AGBL1: variants seen among roughly 807,000 people sequenced by gnomAD.
The protein encoded by AGBL1 is cytosolic carboxypeptidase 4.
Under a neutral mutation model 118.9 loss-of-function variants are expected in AGBL1, and 130 were observed. The ratio of observed to expected loss-of-function variants is 1.09; its 90% CI spans 0.95 to 1.26. AGBL1 has a LOEUF of 1.26. Among genes scored for constraint, AGBL1 ranks in the 50% most tolerant of loss-of-function variants. The pLI is 0.00. For missense variants in AGBL1, 1,584 were observed against 1,298.1 expected (o/e 1.22, Z -3.38); for synonymous variants, 555 against 478.9 (o/e 1.16, Z -2.08).
chr15:86,961,462 G>A (rs1012568925), intron 23 of AGBL1, among the ~76,000 whole-genome samples: 1 of 151,986 alleles, frequency 6.6e-6, no homozygotes. Context: ...AGATTCAAGG[G>A]TCTGAAGAAG....
intron 18 of AGBL1, among the ~76,000 whole-genome samples, chr15:86,464,669 A>G (rs867514766): frequency 9.2e-5 from 14 of 152,216 alleles, no homozygotes; most frequent in Admixed American, 5.2e-4. Flanking sequence ...AATTTTATAG[A>G]AGGTCTTTTT....
chr15:87,029,913 C>A (rs1056684802), downstream of AGBL1, among the ~76,000 whole-genome samples: 1 of 151,788 alleles, frequency 6.6e-6, no homozygotes. Flanking sequence ...ACCCTTCATC[C>A]CTTGATGGCT....
At chr15:86,547,065 T>C (rs2083593505) in intron 20 of AGBL1, among the ~76,000 whole-genome samples, 1 of 152,102 alleles carries the variant, frequency 6.6e-6, no homozygotes, top group African/African-American at 2.4e-5. Flanking sequence ...ACTCAGTCCA[T>C]CAAAAATAGA....
intron 18 of AGBL1, among the ~76,000 whole-genome samples, chr15:86,423,943 A>G (rs1406708245): frequency 6.6e-6 from 1 of 152,174 alleles, no homozygotes; most frequent in Non-Finnish European, 1.5e-5. Flanking sequence ...ATATAGAGAA[A>G]ATGGACATAC....
chr15:86,376,938 C>T (rs1007861372), intron 17 of AGBL1, among the ~76,000 whole-genome samples: 1 of 152,202 alleles, frequency 6.6e-6, no homozygotes, highest in African/African-American at 2.4e-5. Context: ...TCCAAAATCA[C>T]CTTGCAAATG....
At chr15:86,863,250 T>C (rs1005770263) in intron 22 of AGBL1, among the ~76,000 whole-genome samples, 9 of 152,192 alleles carry the variant, frequency 5.9e-5, no homozygotes, top group African/African-American at 1.9e-4. Context: ...GAATTGCTCA[T>C]AGATATTTCA....
At chr15:86,194,427 T>C (rs1051090821) in intron 5 of AGBL1, among the ~76,000 whole-genome samples, 9 of 152,230 alleles carry the variant, frequency 5.9e-5, no homozygotes, top group Non-Finnish European at 7.3e-5. Context: ...TCTTTTGCTT[T>C]CCACTATCCT....
rs2077421782 is a variant in AGBL1, at chr15:86,171,929, G to A, written c.488+12903G>A. ...ATTGGTGACTATTATTCTAAGTGAAGTAACTCAAGAATAAAAAACCAAACA... is the reference window on the plus strand; with the variant it reads ...ATTGGTGACTATTATTCTAAGTGAAATAACTCAAGAATAAAAAACCAAACA... On this transcript the variant is annotated intron_variant, in intron 5 of 22. Transcript: ENST00000614907. Among the ~76,000 whole-genome samples, 9 of 152,196 alleles carry A rather than the reference G, an allele frequency of 5.9e-5. No homozygotes were observed. The South Asian group carries it at 1.9e-3, about 31-fold the overall frequency.
At chr15:86,843,768 A>G (rs1221985308) in intron 22 of AGBL1, among the ~76,000 whole-genome samples, 2 of 152,182 alleles carry the variant, frequency 1.3e-5, no homozygotes, top group Non-Finnish European at 2.9e-5. Context: ...TTTCCATCCA[A>G]GGTAAGCGTA....
intron 22 of AGBL1, among the ~76,000 whole-genome samples, chr15:86,731,095 T>C (rs1448078563): frequency 6.6e-6 from 1 of 152,176 alleles, no homozygotes; most frequent in Non-Finnish European, 1.5e-5. Context: ...CCTCCCAAAG[T>C]GCTGGGATTA....
chr15:86,829,322 G>A (rs930562644), intron 22 of AGBL1, among the ~76,000 whole-genome samples: 13 of 152,144 alleles, frequency 8.5e-5, no homozygotes, highest in African/African-American at 3.1e-4. Flanking sequence ...AAAACCGCAA[G>A]GGTCAAGTGG....
At chr15:86,765,263 T>C (rs949462697) in intron 22 of AGBL1, among the ~76,000 whole-genome samples, 3 of 151,906 alleles carry the variant, frequency 2.0e-5, no homozygotes, top group Admixed American at 2.0e-4. Flanking sequence ...ATATGCTTTT[T>C]CCAACAAATA....
At chr15:86,808,835 A>C (rs1311215852) in intron 22 of AGBL1, among the ~76,000 whole-genome samples, 1 of 151,066 alleles carries the variant, frequency 6.6e-6, no homozygotes, top group African/African-American at 2.4e-5. Context: ...TCTTGACTTC[A>C]ATTTTAGTTG....
intron 22 of AGBL1, among the ~76,000 whole-genome samples, chr15:86,797,313 C>G (rs928449580): frequency 7.9e-5 from 12 of 152,302 alleles, no homozygotes; most frequent in Admixed American, 6.5e-4. Context: ...ATGACAGATT[C>G]CTCTTTACAT....
At chr15:86,950,273 A>C (rs1316694355) in intron 23 of AGBL1, among the ~76,000 whole-genome samples, 2 of 151,680 alleles carry the variant, frequency 1.3e-5, no homozygotes, top group African/African-American at 4.8e-5. Context: ...TAAAGTTAAA[A>C]CAAGAAAATA....
At chr15:86,802,454 C>T (rs985112313) in intron 22 of AGBL1, among the ~76,000 whole-genome samples, 3 of 152,104 alleles carry the variant, frequency 2.0e-5, no homozygotes, top group Admixed American at 6.6e-5. Context: ...TTCCACCATG[C>T]ACCTGTTCCT....
At position 86,700,512 on chromosome 15, in the gene AGBL1, A is replaced by ACAC. The variant is rs760114526; in HGVS notation, c.3158+26076_3158+26077insCAC. Reference sequence around the variant, plus strand: ...ACACACACACACACACACACACACAAAATCTCTCTTGAAGTGGTCTTTCTC... The same window carrying ACAC: ...ACACACACACACACACACACACACAACACAATCTCTCTTGAAGTGGTCTTTCTC... On this transcript the variant is annotated intron_variant, in intron 22 of 22. Transcript: ENST00000614907. Among the ~76,000 whole-genome samples, 93 of 39,464 alleles carry ACAC rather than the reference A, an allele frequency of 2.4e-3. 2 individuals are homozygous for ACAC. The highest frequency in any genetic ancestry group is 0.012 in the Middle Eastern group (1 of 82). The allele number at this position is 39,464 out of a possible 152,430, so 25.9% of individuals were successfully genotyped here.
chr15:86,812,752 T>A (rs1209447982), intron 22 of AGBL1, among the ~76,000 whole-genome samples: 1 of 152,100 alleles, frequency 6.6e-6, no homozygotes, highest in Non-Finnish European at 1.5e-5. Context: ...GCAGACCCAT[T>A]TGGACTCACA....
intron 19 of AGBL1, among the ~76,000 whole-genome samples, chr15:86,524,405 G>A (rs1211104774): frequency 1.3e-5 from 2 of 152,188 alleles, no homozygotes; most frequent in Non-Finnish European, 2.9e-5. Context: ...GGCATTCATG[G>A]CAGAGTACAG....
Sources: gnomAD v4.1 joint callset for allele counts (sites outside exome capture counted in the v4.1 genomes callset) on GRCh38, gnomAD v4.1.1 for gene constraint, MANE v1.5 for transcripts, NCBI Gene and HGNC (gene_info 2026-07-23, HGNC 2026-07-21) for gene names.